Variants in RABGAP1L observed in about 807,000 individuals in gnomAD.
RABGAP1L encodes RAB GTPase activating protein 1 like.
RABGAP1L carries 63 observed loss-of-function variants against 137.7 expected under a neutral mutation model. The ratio of observed to expected loss-of-function variants is 0.46; its 90% CI spans 0.37 to 0.56. RABGAP1L has a LOEUF of 0.56. Ranked by LOEUF, RABGAP1L falls within the 20% of genes least tolerant of loss-of-function variation. RABGAP1L has a pLI of 0.00. For missense variants in RABGAP1L, 1,095 were observed against 1,244.0 expected (o/e 0.88, Z 1.80); for synonymous variants, 431 against 433.7 (o/e 0.99, Z 0.08).
rs370964814 is a variant in RABGAP1L at position 174,820,723 on chromosome 1, G to A, written c.2340+8763G>A. On this transcript the variant is annotated intron_variant, in intron 19 of 25. Coordinates refer to ENST00000681986, the MANE Select transcript of RABGAP1L (RefSeq NM_001366446.1). ...TCATATATTTTAAAGAGAACTTTCTGATACTAGAAAGTAATATTGCCCTGG... is the reference window on the plus strand; with the variant it reads ...TCATATATTTTAAAGAGAACTTTCTAATACTAGAAAGTAATATTGCCCTGG... Among the ~76,000 whole-genome samples the A allele has an allele frequency of 4.6e-5, 7 of 152,244 alleles. No homozygotes were observed. The East Asian group carries it at 1.2e-3, about 25-fold the overall frequency.
chr1:174,707,129 A>G (rs1680108731), intron 17 of RABGAP1L, among the ~76,000 whole-genome samples: 1 of 152,206 alleles, frequency 6.6e-6, no homozygotes, highest in Non-Finnish European at 1.5e-5. Flanking sequence ...GGATACTGCC[A>G]AACAGCCTTC....
intron 14 of RABGAP1L, among the ~76,000 whole-genome samples, chr1:174,675,569 C>G (rs965424884): frequency 6.6e-6 from 1 of 151,614 alleles, no homozygotes; most frequent in Non-Finnish European, 1.5e-5. Flanking sequence ...CTTGGCGATG[C>G]GGGCTCTTTT....
At chr1:174,202,172 G>T (rs896089183) in intron 1 of RABGAP1L, among the ~76,000 whole-genome samples, 2 of 151,904 alleles carry the variant, frequency 1.3e-5, no homozygotes, top group Non-Finnish European at 2.9e-5. Context: ...ACCCAGTAAT[G>T]GGATGGCTGG....
intron 17 of RABGAP1L, among the ~76,000 whole-genome samples, chr1:174,738,627 T>C (rs891869524): frequency 3.9e-5 from 6 of 152,180 alleles, no homozygotes; most frequent in Non-Finnish European, 8.8e-5. Flanking sequence ...CAATTTACTG[T>C]TTAGGAATCT....
chr1:174,715,446 G>C (rs955868120), intron 17 of RABGAP1L, among the ~76,000 whole-genome samples: 10 of 152,112 alleles, frequency 6.6e-5, no homozygotes. Context: ...CAGACTTACT[G>C]TTTAAGTCTC....
At chr1:174,500,331 C>T (rs954054140) in intron 13 of RABGAP1L, among the ~76,000 whole-genome samples, 3 of 152,094 alleles carry the variant, frequency 2.0e-5, no homozygotes, top group Non-Finnish European at 4.4e-5. Flanking sequence ...CCACCCTTCT[C>T]GGCCTCCCAA....
At chr1:174,192,093 A>G (rs1371133490) in intron 1 of RABGAP1L, among the ~76,000 whole-genome samples, 1 of 152,198 alleles carries the variant, frequency 6.6e-6, no homozygotes, top group Non-Finnish European at 1.5e-5. Flanking sequence ...ATGTTCAAAA[A>G]TAGACTTTCT....
intron 14 of RABGAP1L, among the ~76,000 whole-genome samples, chr1:174,656,545 A>G (rs1039235521): frequency 6.6e-6 from 1 of 152,256 alleles, no homozygotes; most frequent in Non-Finnish European, 1.5e-5. Context: ...GTTTAATTTC[A>G]GAACATTTCC....
chr1:174,784,960 T>G (rs531195139), intron 18 of RABGAP1L, among the ~76,000 whole-genome samples: 158 of 152,368 alleles, frequency 1.0e-3, no homozygotes, highest in African/African-American at 3.6e-3. Flanking sequence ...ACCCATTGTA[T>G]TCTCAGTAGC....
intron 13 of RABGAP1L, among the ~76,000 whole-genome samples, chr1:174,602,453 A>T (rs1002746319): frequency 5.9e-5 from 9 of 152,134 alleles, no homozygotes; most frequent in Non-Finnish European, 1.0e-4. Flanking sequence ...GAAAGACCAC[A>T]CCCCCATGAT....
At chr1:174,842,025 C>A (rs1693467407) in intron 19 of RABGAP1L, among the ~76,000 whole-genome samples, 2 of 152,128 alleles carry the variant, frequency 1.3e-5, no homozygotes, top group Non-Finnish European at 2.9e-5. Flanking sequence ...TGATTTATAG[C>A]AGTTTTAAAA....
chr1:174,609,797 T>C (rs1000015150), intron 13 of RABGAP1L, among the ~76,000 whole-genome samples: 11 of 152,168 alleles, frequency 7.2e-5, no homozygotes, highest in Non-Finnish European at 1.5e-4. Context: ...TTTAAAATAA[T>C]GCAGGGATTG....
intron 13 of RABGAP1L, among the ~76,000 whole-genome samples, chr1:174,431,637 G>A (rs150017614): frequency 1.2e-4 from 19 of 152,278 alleles, no homozygotes; most frequent in African/African-American, 4.1e-4. Context: ...ATTAGAACAG[G>A]AAGGAGGGGC....
At chr1:174,582,443 C>G (rs1278232631) in intron 13 of RABGAP1L, among the ~76,000 whole-genome samples, 1 of 151,880 alleles carries the variant, frequency 6.6e-6, no homozygotes, top group Non-Finnish European at 1.5e-5. Context: ...GGAAGAGGTT[C>G]AAGAAGAATG....
At chr1:174,901,973 C>G (rs572663425) in intron 19 of RABGAP1L, among the ~76,000 whole-genome samples, 1 of 152,194 alleles carries the variant, frequency 6.6e-6, no homozygotes, top group South Asian at 2.1e-4. Context: ...CAATCCAGAC[C>G]CCAGTTGCCT....
intron 18 of RABGAP1L, among the ~76,000 whole-genome samples, chr1:174,779,346 A>G (rs1686773119): frequency 6.6e-6 from 1 of 152,170 alleles, no homozygotes; most frequent in African/African-American, 2.4e-5. Context: ...TGTGTCATTC[A>G]TTATGACACC....
intron 18 of RABGAP1L, among the ~76,000 whole-genome samples, chr1:174,806,447 C>CA (rs893134764): frequency 2.0e-5 from 3 of 151,846 alleles, no homozygotes; most frequent in Admixed American, 6.6e-5. Context: ...AAGAAACAAA[C>CA]AAAAAAACAA....
chr1:174,895,445 T>C (rs1223309047), intron 19 of RABGAP1L, among the ~76,000 whole-genome samples: 2 of 151,800 alleles, frequency 1.3e-5, no homozygotes, highest in African/African-American at 4.8e-5. Context: ...TTTTGGAAGT[T>C]TTTTTTTATT....
chr1:174,628,830 T>C (rs1254035808), intron 13 of RABGAP1L, among the ~76,000 whole-genome samples: 2 of 152,210 alleles, frequency 1.3e-5, no homozygotes, highest in African/African-American at 4.8e-5. Flanking sequence ...TGGAGAAAAC[T>C]GGCAGGACTT....
Sources: allele counts gnomAD v4.1 joint callset (sites outside exome capture counted in the v4.1 genomes callset), GRCh38; gene constraint gnomAD v4.1.1; transcripts MANE v1.5; gene names NCBI Gene and HGNC (gene_info 2026-07-23, HGNC 2026-07-21).